PAPOLA: variants seen among roughly 807,000 people sequenced by gnomAD.
PAPOLA encodes polynucleotide adenylyltransferase alpha.
A neutral mutation model predicts 100.6 loss-of-function variants in PAPOLA; 15 were observed. The observed-to-expected ratio is 0.15, with a 90% CI of 0.10 to 0.23. PAPOLA has a LOEUF of 0.23. PAPOLA is among the 10% of genes least tolerant of loss of function. The probability of loss-of-function intolerance (pLI) is 1.00; values close to 1 mark genes in which losing one functional copy is unlikely to be tolerated. For synonymous variants in PAPOLA, 293 were observed against 300.0 expected (o/e 0.98, Z 0.24); for missense variants, 533 against 884.2 (o/e 0.60, Z 5.04).
chr14:96,550,169 TA>T (rs1298244200), intron 16 of PAPOLA, among the ~76,000 whole-genome samples: 2 of 152,246 alleles, frequency 1.3e-5, no homozygotes, highest in East Asian at 1.9e-4. Context: ...ATAATTTTTT[TA>T]AAAAAGTATA....
At chr14:96,520,316 A>G (rs867588648) in intron 2 of PAPOLA, 88 bp downstream of exon 2, 6 of 955,770 alleles carry the variant, frequency 6.3e-6, no homozygotes, top group African/African-American at 4.9e-5. Context: ...ACTTACTTAG[A>G]AGACCAGGGT....
intron 1 of PAPOLA, among the ~76,000 whole-genome samples, chr14:96,518,069 G>A (rs1640874470): frequency 6.6e-6 from 1 of 152,138 alleles, no homozygotes; most frequent in African/African-American, 2.4e-5. Context: ...ATGCAACTTA[G>A]ATTAAAGGGG....
chr14:96,513,615 G>A (rs909581641), intron 1 of PAPOLA, among the ~76,000 whole-genome samples: 3 of 151,766 alleles, frequency 2.0e-5, no homozygotes, highest in South Asian at 2.1e-4. Flanking sequence ...ATAAGGGCTC[G>A]TTTTTTTTAC....
intron 10 of PAPOLA, chr14:96,535,493 T>A: frequency 1.0e-6 from 1 of 984,786 alleles, no homozygotes; most frequent in South Asian, 4.7e-5. Flanking sequence ...AGTTTCTATC[T>A]TGTTGAAAAT....
intron 14 of PAPOLA, among the ~76,000 whole-genome samples, chr14:96,543,222 G>A (rs1414383796): frequency 6.6e-6 from 1 of 151,882 alleles, no homozygotes; most frequent in Non-Finnish European, 1.5e-5. Context: ...TTGTACAATA[G>A]TTGTCAGAAT....
intron 19 of PAPOLA, among the ~76,000 whole-genome samples, chr14:96,556,791 A>C (rs1024085471): frequency 6.6e-6 from 1 of 152,126 alleles, no homozygotes; most frequent in East Asian, 1.9e-4. Flanking sequence ...TGTGATCCAA[A>C]AGGAGTTTTG....
chr14:96,528,970 C>T (rs1176892214), intron 6 of PAPOLA, among the ~76,000 whole-genome samples: 1 of 152,048 alleles, frequency 6.6e-6, no homozygotes, highest in Non-Finnish European at 1.5e-5. Context: ...CCTCATTTTC[C>T]TAAAAAGAAT....
chr14:96,531,636 T>C (rs780533438), intron 7 of PAPOLA, 50 bp downstream of exon 7: 2 of 1,556,426 alleles, frequency 1.3e-6, no homozygotes, highest in South Asian at 1.2e-5. Context: ...TGTCAGATAT[T>C]AGTTGTTTTT....
At position 96,525,293 on chromosome 14, in the gene PAPOLA, ATT is replaced by A; in HGVS notation, c.250-12_250-11del. On this transcript the variant is annotated splice_polypyrimidine_tract_variant and intron_variant, in intron 3 of 21. Coordinates refer to ENST00000216277, the MANE Select transcript of PAPOLA (RefSeq NM_032632.5). ...CTTGTGCTCCACTGGCAAAATAACC[ATT>A]TTTTGTTTCAACAGAATCTTCCACA... is the stretch of plus-strand genomic sequence containing the variant. 7.8e-7 allele frequency: 1 copy of A among 1,281,744 alleles called. No individual in the cohort carries two copies. Among genetic ancestry groups the A allele is most frequent in the Non-Finnish European group, 1.1e-6 (1 of 885,320 alleles). The allele number at this position is 1,281,744 out of a possible 1,614,324, so 79.4% of individuals were successfully genotyped here. A position where few individuals can be genotyped will look rare whatever the true frequency, so the allele number is the denominator to read the frequency against.
chr14:96,518,239 G>T (rs1345229318), intron 1 of PAPOLA, among the ~76,000 whole-genome samples: 1 of 152,196 alleles, frequency 6.6e-6, no homozygotes, highest in Non-Finnish European at 1.5e-5. Flanking sequence ...CAGCTAATTA[G>T]TAACACGCAG....
intron 1 of PAPOLA, among the ~76,000 whole-genome samples, chr14:96,518,036 A>T (rs1198754122): frequency 3.3e-5 from 5 of 152,202 alleles, no homozygotes; most frequent in African/African-American, 1.2e-4. Flanking sequence ...GCTGATGGGG[A>T]TTAACATAGC....
chr14:96,524,119 G>C (rs377499125), intron 3 of PAPOLA, among the ~76,000 whole-genome samples: 1 of 152,068 alleles, frequency 6.6e-6, no homozygotes, highest in South Asian at 2.1e-4. Flanking sequence ...TGAGAGGAAG[G>C]GGGGTGGTCT....
intron 18 of PAPOLA, 38 bp downstream of exon 18, chr14:96,555,985 C>T (rs762063832): frequency 1.4e-6 from 2 of 1,389,932 alleles, no homozygotes; most frequent in Non-Finnish European, 2.0e-6. Context: ...AGAATTCTTA[C>T]ATTATATTTG....
At chr14:96,524,854 A>G (rs72706848) in intron 3 of PAPOLA, among the ~76,000 whole-genome samples, 17,016 of 152,270 alleles carry the variant, frequency 0.11, 1,043 homozygotes, top group South Asian at 0.17. Context: ...GATATGATAA[A>G]AAAAATACTC....
intron 1 of PAPOLA, among the ~76,000 whole-genome samples, chr14:96,509,078 C>T (rs1896925724): frequency 1.3e-5 from 2 of 152,304 alleles, no homozygotes; most frequent in South Asian, 2.1e-4. Flanking sequence ...GTTGCCCAGG[C>T]TGGAATGCAG....
At chr14:96,527,846 T>C in intron 5 of PAPOLA, 107 bp from the exon 6 acceptor site, 2 of 805,098 alleles carry the variant, frequency 2.5e-6, no homozygotes, top group East Asian at 4.9e-5. Flanking sequence ...AACAGCCCAG[T>C]CTTAAAGCTA....
intron 16 of PAPOLA, among the ~76,000 whole-genome samples, chr14:96,548,479 G>A (rs1422309208): frequency 6.6e-6 from 1 of 151,996 alleles, no homozygotes; most frequent in Non-Finnish European, 1.5e-5. Flanking sequence ...TCCTTATTTG[G>A]ACTTTAGTGA....
At chr14:96,546,095 A>G (rs1389396608) in intron 15 of PAPOLA, among the ~76,000 whole-genome samples, 2 of 152,148 alleles carry the variant, frequency 1.3e-5, no homozygotes, top group Admixed American at 6.6e-5. Context: ...TCAGCACACA[A>G]ATGTTCACTC....
chr14:96,528,519 T>C (rs952995678), intron 6 of PAPOLA, among the ~76,000 whole-genome samples: 3 of 152,234 alleles, frequency 2.0e-5, no homozygotes, highest in African/African-American at 7.2e-5. Context: ...GCAACTTTAG[T>C]AATTCATTAC....
Sources: allele counts gnomAD v4.1 joint callset (sites outside exome capture counted in the v4.1 genomes callset), GRCh38; gene constraint gnomAD v4.1.1; transcripts MANE v1.5; gene names NCBI Gene and HGNC (gene_info 2026-07-23, HGNC 2026-07-21).